The following KIAA1328 variants were observed in gnomAD, a reference collection of about 807,000 sequenced individuals.
The protein encoded by KIAA1328 is KIAA1328.
In KIAA1328, 52 loss-of-function variants were observed where a neutral mutation model predicts 68.1. The observed-to-expected ratio is 0.76, with a 90% CI of 0.61 to 0.96. KIAA1328 has a LOEUF of 0.96. Ranked by LOEUF, KIAA1328 falls within the 40% of genes least tolerant of loss-of-function variation. KIAA1328 has a pLI of 0.00. For synonymous variants in KIAA1328, 232 were observed against 239.4 expected (o/e 0.97, Z 0.28); for missense variants, 641 against 677.6 (o/e 0.95, Z 0.60).
At chr18:37,199,426 C>G (rs1185181897) in intron 9 of KIAA1328, among the ~76,000 whole-genome samples, 1 of 152,200 alleles carries the variant, frequency 6.6e-6, no homozygotes, top group African/African-American at 2.4e-5. Flanking sequence ...AGGACATTAT[C>G]TCATTCCTTT....
At chr18:36,861,127 T>C (rs2047552369) in intron 4 of KIAA1328, among the ~76,000 whole-genome samples, 2 of 152,324 alleles carry the variant, frequency 1.3e-5, no homozygotes, top group South Asian at 4.1e-4. Flanking sequence ...TTCATGTTTC[T>C]TTAGTCTCCT....
chr18:37,117,686 C>T (rs887532657), intron 7 of KIAA1328, among the ~76,000 whole-genome samples: 1 of 151,906 alleles, frequency 6.6e-6, no homozygotes, highest in Non-Finnish European at 1.5e-5. Context: ...TAAGATGATA[C>T]AACTATCCTG....
chr18:36,940,770 G>C (rs2151183990), intron 5 of KIAA1328, among the ~76,000 whole-genome samples: 1 of 151,538 alleles, frequency 6.6e-6, no homozygotes, highest in African/African-American at 2.4e-5. Context: ...CTGCCTCCCG[G>C]GTTCAAGCGA....
At chr18:37,019,609 C>G (rs2054270604) in intron 6 of KIAA1328, among the ~76,000 whole-genome samples, 1 of 152,226 alleles carries the variant, frequency 6.6e-6, no homozygotes, top group African/African-American at 2.4e-5. Flanking sequence ...TCCAAGTTCT[C>G]TGCATGGGGA....
intron 6 of KIAA1328, among the ~76,000 whole-genome samples, chr18:37,017,724 T>A (rs1295231289): frequency 1.3e-5 from 2 of 152,160 alleles, no homozygotes; most frequent in Non-Finnish European, 2.9e-5. Flanking sequence ...TGCCTTTCTG[T>A]CCTTTTTTAG....
chr18:36,969,337 C>T (rs931438622), intron 6 of KIAA1328, among the ~76,000 whole-genome samples: 12 of 151,748 alleles, frequency 7.9e-5, no homozygotes, highest in Non-Finnish European at 1.3e-4. Flanking sequence ...AAAAGATAAA[C>T]GAAGCCAGGA....
intron 7 of KIAA1328, among the ~76,000 whole-genome samples, chr18:37,120,272 G>T (rs2058234904): frequency 6.6e-6 from 1 of 152,090 alleles, no homozygotes; most frequent in Admixed American, 6.5e-5. Context: ...AGATAGGATT[G>T]CAAATAGAAT....
chr18:37,221,953 G>C, intron 9 of KIAA1328, 64 bp from the exon 10 acceptor site: 1 of 1,508,106 alleles, frequency 6.6e-7, no homozygotes, highest in South Asian at 1.2e-5. Flanking sequence ...ATTTCTGCTG[G>C]GCTTCTTGAA....
At chr18:37,003,813 A>G (rs1043814844) in intron 6 of KIAA1328, among the ~76,000 whole-genome samples, 4 of 152,132 alleles carry the variant, frequency 2.6e-5, no homozygotes, top group African/African-American at 9.7e-5. Flanking sequence ...GTGGCTTGCC[A>G]ATTATCCCAG....
At chr18:36,994,308 A>G (rs1472201359) in intron 6 of KIAA1328, among the ~76,000 whole-genome samples, 5 of 152,218 alleles carry the variant, frequency 3.3e-5, no homozygotes, top group African/African-American at 1.2e-4. Flanking sequence ...GAATGCAATT[A>G]TATCTATTTT....
At chr18:37,180,637 G>GT (rs34168716) in intron 9 of KIAA1328, among the ~76,000 whole-genome samples, 102,839 of 149,440 alleles carry the variant, frequency 0.69, 37,487 homozygotes, top group East Asian at 0.94. Flanking sequence ...TAACAAAACC[G>GT]TTTTTTTTTT....
intron 6 of KIAA1328, among the ~76,000 whole-genome samples, chr18:36,961,615 C>A (rs868056475): frequency 6.6e-6 from 1 of 152,196 alleles, no homozygotes; most frequent in Non-Finnish European, 1.5e-5. Context: ...AACAGTGGAT[C>A]CCTCAGCAGA....
intron 4 of KIAA1328, among the ~76,000 whole-genome samples, chr18:36,865,349 A>G (rs1176583458): frequency 6.6e-6 from 1 of 152,052 alleles, no homozygotes; most frequent in African/African-American, 2.4e-5. Context: ...ATAATTTCCA[A>G]TCATACGGAG....
intron 4 of KIAA1328, among the ~76,000 whole-genome samples, chr18:36,874,109 C>T (rs1390850717): frequency 6.6e-6 from 1 of 152,144 alleles, no homozygotes; most frequent in Non-Finnish European, 1.5e-5. Context: ...TGGGTTGGTT[C>T]CAAGTCATTG....
At position 37,223,541 on chromosome 18, in the gene KIAA1328, T is replaced by G. The variant is rs2060600762; in HGVS notation, c.*1314T>G. On this transcript the variant is annotated 3_prime_UTR_variant, in exon 10 of 10. Transcript: ENST00000280020. ...CCCAGATGTGTATTACTTGGGAATTTTATTTGATCTGGAGGGTGTGGCTTT... is the reference window on the plus strand; with the variant it reads ...CCCAGATGTGTATTACTTGGGAATTGTATTTGATCTGGAGGGTGTGGCTTT... The G allele has an allele frequency of 5.1e-6, 5 of 985,364 alleles. No homozygotes were observed. The highest frequency in any genetic ancestry group is 6.0e-6 in the Non-Finnish European group (5 of 829,926). 61.0% of individuals were successfully genotyped at this position (985,364 alleles called of 1,614,324 possible). A position where few individuals can be genotyped will look rare whatever the true frequency, so the allele number is the denominator to read the frequency against.
At chr18:36,971,939 G>A (rs2052235369) in intron 6 of KIAA1328, among the ~76,000 whole-genome samples, 1 of 152,218 alleles carries the variant, frequency 6.6e-6, no homozygotes, top group Non-Finnish European at 1.5e-5. Context: ...GAAATAATCT[G>A]TACATCAAAG....
At chr18:37,192,180 T>A (rs2059919116) in intron 9 of KIAA1328, among the ~76,000 whole-genome samples, 1 of 151,948 alleles carries the variant, frequency 6.6e-6, no homozygotes, top group South Asian at 2.1e-4. Context: ...TGTGTGTATG[T>A]GTGTATGTGT....
intron 7 of KIAA1328, among the ~76,000 whole-genome samples, chr18:37,147,537 G>A (rs1211941289): frequency 6.6e-6 from 1 of 152,080 alleles, no homozygotes; most frequent in African/African-American, 2.4e-5. Flanking sequence ...GATAGGTTTG[G>A]TTTTATGCTT....
At chr18:37,018,993 A>C (rs1372548287) in intron 6 of KIAA1328, among the ~76,000 whole-genome samples, 1 of 152,144 alleles carries the variant, frequency 6.6e-6, no homozygotes, top group Non-Finnish European at 1.5e-5. Flanking sequence ...GTATCATTAC[A>C]TTCAAATTTT....
Sources: gnomAD v4.1 joint callset for allele counts (sites outside exome capture counted in the v4.1 genomes callset) on GRCh38, gnomAD v4.1.1 for gene constraint, MANE v1.5 for transcripts, NCBI Gene and HGNC (gene_info 2026-07-23, HGNC 2026-07-21) for gene names.